MAMLD1: variants seen among roughly 807,000 people sequenced by gnomAD.
MAMLD1 encodes the protein mastermind like domain containing 1.
A neutral mutation model predicts 45.0 loss-of-function variants in MAMLD1; 14 were observed. That is an observed-to-expected ratio of 0.31 (90% CI 0.21 to 0.49). The LOEUF (loss-of-function observed/expected upper bound fraction) is 0.49. Among genes scored for constraint, MAMLD1 ranks in the 20% least tolerant of loss-of-function variants. The pLI is 0.99. For synonymous variants in MAMLD1, 254 were observed against 247.8 expected (o/e 1.02, Z -0.24); for missense variants, 543 against 603.6 (o/e 0.90, Z 1.05).
chrX:150,475,013 G>A (rs1193826236), intron 5 of MAMLD1, among the ~76,000 whole-genome samples: 1 of 112,027 alleles, frequency 8.9e-6, no homozygotes, highest in East Asian at 2.8e-4. Context: ...TGGCCCCAAT[G>A]GTGGGGAAGA....
intron 6 of MAMLD1, 122 bp from the exon 7 acceptor site, chrX:150,509,840 G>A: frequency 3.5e-6 from 2 of 569,530 alleles, no homozygotes; most frequent in Non-Finnish European, 6.3e-6. Flanking sequence ...AGTGTATGCT[G>A]GTGTGTTTAT....
At chrX:150,423,983 A>G (rs2034616356) in intron 1 of MAMLD1, among the ~76,000 whole-genome samples, 2 of 112,522 alleles carry the variant, frequency 1.8e-5, no homozygotes, top group South Asian at 7.3e-4. Flanking sequence ...TTTGAAGGCT[A>G]GTTCTGCAGT....
chrX:150,513,892 T>C lies in MAMLD1; in HGVS notation c.*1933T>C, dbSNP rs2037969394. The C allele has an allele frequency of 6.7e-6, 2 of 296,464 alleles. No individual in the cohort carries two copies. Among genetic ancestry groups the C allele is most frequent in the African/African-American group, 5.5e-5 (2 of 36,616 alleles). 24.4% of individuals were successfully genotyped at this position (296,464 alleles called of 1,213,427 possible). A position where few individuals can be genotyped will look rare whatever the true frequency, so the allele number is the denominator to read the frequency against. ...GGTTTAAAGCCTTTCAGTATTTGTT[T>C]TGATGTAAGGCTCTGTGGTTTGGGG... On this transcript the variant is annotated 3_prime_UTR_variant, in exon 8 of 8. Transcript: ENST00000370401.
At chrX:150,376,922 A>T (rs1603215320) in intron 1 of MAMLD1, among the ~76,000 whole-genome samples, 2 of 109,477 alleles carry the variant, frequency 1.8e-5, no homozygotes, top group East Asian at 5.6e-4. Context: ...TTATTTTTGT[A>T]CTGAGTAACA....
At chrX:150,456,839 G>A (rs782469829) in intron 2 of MAMLD1, among the ~76,000 whole-genome samples, 11 of 112,470 alleles carry the variant, frequency 9.8e-5, no homozygotes, top group Non-Finnish European at 1.7e-4. Context: ...CAGCTGGGCC[G>A]GAGGGGCTGG....
intron 5 of MAMLD1, among the ~76,000 whole-genome samples, chrX:150,480,991 G>A (rs2036735255): frequency 8.9e-6 from 1 of 112,793 alleles, no homozygotes; most frequent in South Asian, 3.7e-4. Flanking sequence ...GGAGGTGAGC[G>A]TAGCTGTGGA....
chrX:150,409,041 C>T (rs890024796), intron 1 of MAMLD1, among the ~76,000 whole-genome samples: 8 of 111,671 alleles, frequency 7.2e-5, no homozygotes, highest in Admixed American at 1.9e-4. Context: ...ACCTCTTCTG[C>T]GGGGCTGCTA....
At chrX:150,368,214 A>G (rs1252760300) in intron 1 of MAMLD1, among the ~76,000 whole-genome samples, 28 of 110,924 alleles carry the variant, frequency 2.5e-4, no homozygotes, top group African/African-American at 8.8e-4. Context: ...CATCCTCTCC[A>G]GCACCTGTTG....
At chrX:150,381,039 C>T (rs112093655) in intron 1 of MAMLD1, among the ~76,000 whole-genome samples, 1,125 of 110,895 alleles carry the variant, frequency 0.01, 13 homozygotes, top group African/African-American at 0.035. Context: ...GCTATCGCAG[C>T]CCCATTTTAC....
In MAMLD1 at chrX:150,368,347, G is replaced by A. The variant is rs782577824; in HGVS notation, c.-64+4817G>A. Among the ~76,000 whole-genome samples, 953 of 107,957 alleles carry A rather than the reference G, an allele frequency of 8.8e-3. 11 individuals are homozygous for A. Among genetic ancestry groups the A allele is most frequent in the African/African-American group, 0.029 (866 of 29,865 alleles). 93.7% of individuals were successfully genotyped at this position (107,957 alleles called of 115,157 possible). A position where few individuals can be genotyped will look rare whatever the true frequency, so the allele number is the denominator to read the frequency against. Reference sequence around the variant, plus strand: ...ATTTTTTCATGTGTCTGCTGGCTGCGTAAATGTCTTCTTTTGAGAAGTGTC... The same window carrying A: ...ATTTTTTCATGTGTCTGCTGGCTGCATAAATGTCTTCTTTTGAGAAGTGTC... On this transcript the variant is annotated intron_variant, in intron 1 of 7. Transcript: ENST00000370401.
intron 1 of MAMLD1, among the ~76,000 whole-genome samples, chrX:150,399,788 A>G (rs782189961): frequency 8.9e-6 from 1 of 112,122 alleles, no homozygotes; most frequent in Non-Finnish European, 1.9e-5. Flanking sequence ...AGAACTGTGA[A>G]AGAATGAATT....
intron 4 of MAMLD1, among the ~76,000 whole-genome samples, chrX:150,472,720 C>T (rs782211789): frequency 2.2e-3 from 245 of 111,880 alleles, no homozygotes; most frequent in Non-Finnish European, 3.8e-3. Context: ...GTCTCTATGA[C>T]CTGGTCTAGA....
intron 1 of MAMLD1, among the ~76,000 whole-genome samples, chrX:150,399,743 C>T (rs1456125380): frequency 1.8e-5 from 2 of 111,715 alleles, no homozygotes; most frequent in African/African-American, 6.5e-5. Context: ...AGGAATCAGC[C>T]CTGCTAACAT....
chrX:150,495,954 C>T (rs1434283321), intron 5 of MAMLD1, among the ~76,000 whole-genome samples: 1 of 112,426 alleles, frequency 8.9e-6, no homozygotes, highest in Non-Finnish European at 1.9e-5. Context: ...ATGCTGTTAT[C>T]TCCTCTCCTA....
At position 150,470,307 on chromosome X, in the gene MAMLD1, A is replaced by G. The variant is rs377263651; in HGVS notation, c.734A>G (p.Gln245Arg). The change falls in exon 4 of 8, where the codon CAA (glutamine) becomes CGA (arginine). Residue 245 changes from glutamine to arginine, a missense_variant. Coordinates refer to ENST00000370401, the MANE Select transcript of MAMLD1 (RefSeq NM_005491.5). ...AAGGAGTTTGCTTCTAGTTGCAGCC[A>G]AGTTACTGGCATGTCACTTCAGATC... ...SSKEFASSCS[Q>R]VTGMSLQIPS... The G allele has an allele frequency of 2.5e-6, 3 of 1,206,553 alleles. No individual in the cohort carries two copies. The African/African-American group carries it at 5.3e-5, about 21-fold the overall frequency.
At chrX:150,365,650 C>A (rs904134627) in intron 1 of MAMLD1, among the ~76,000 whole-genome samples, 2 of 113,330 alleles carry the variant, frequency 1.8e-5, no homozygotes, top group Non-Finnish European at 3.7e-5. Flanking sequence ...TCTGGCTACA[C>A]GCCTCATTTC....
chrX:150,463,717 C>T (rs1475659948), intron 3 of MAMLD1, among the ~76,000 whole-genome samples: 2 of 111,391 alleles, frequency 1.8e-5, no homozygotes, highest in Non-Finnish European at 3.8e-5. Context: ...CTGTTGAAGC[C>T]CCAGCCCTCA....
rs1557409192 is a variant in MAMLD1 at position 150,512,401 on chromosome X, G to A, written c.*442G>A. On this transcript the variant is annotated 3_prime_UTR_variant, in exon 8 of 8. Transcript: ENST00000370401. ...CTAGTGTGCCAAGAATGCCCACTGCGTTCAACAATGCTGCATGGGTCACAG... is the reference window on the plus strand; with the variant it reads ...CTAGTGTGCCAAGAATGCCCACTGCATTCAACAATGCTGCATGGGTCACAG... The A allele has an allele frequency of 2.5e-5, 29 of 1,148,709 alleles. No homozygotes were observed. The highest frequency in any genetic ancestry group is 3.1e-5 in the Non-Finnish European group (27 of 868,399). 94.7% of individuals were successfully genotyped at this position (1,148,709 alleles called of 1,213,427 possible). A position where few individuals can be genotyped will look rare whatever the true frequency, so the allele number is the denominator to read the frequency against.
At chrX:150,377,857 A>ACACAC in intron 1 of MAMLD1, among the ~76,000 whole-genome samples, 3 of 107,903 alleles carry the variant, frequency 2.8e-5, no homozygotes, top group South Asian at 4.0e-4. Flanking sequence ...ACACACACAC[A>ACACAC]ATTTTATTCT....
Sources: allele counts gnomAD v4.1 joint callset (sites outside exome capture counted in the v4.1 genomes callset), GRCh38; gene constraint gnomAD v4.1.1; transcripts MANE v1.5; gene names NCBI Gene and HGNC (gene_info 2026-07-23, HGNC 2026-07-21).